Variants in DROSHA observed in about 807,000 individuals in gnomAD.
The protein encoded by DROSHA is drosha ribonuclease III.
In DROSHA, 56 loss-of-function variants were observed where a neutral mutation model predicts 181.9. The ratio of observed to expected loss-of-function variants is 0.31; its 90% confidence interval spans 0.25 to 0.38. DROSHA has a LOEUF of 0.38. Among genes scored for constraint, DROSHA ranks in the 10% least tolerant of loss-of-function variants. The pLI is 1.00. For synonymous variants in DROSHA, 524 were observed against 591.2 expected (o/e 0.89, Z 1.65); for missense variants, 1,218 against 1,743.5 (o/e 0.70, Z 5.37).
At chr5:31,417,161 C>A (rs1045690874) in intron 30 of DROSHA, among the ~76,000 whole-genome samples, 1 of 151,956 alleles carries the variant, frequency 6.6e-6, no homozygotes, top group Non-Finnish European at 1.5e-5. Context: ...TGAACAGAGA[C>A]CTGAAGGAGG....
chr5:31,406,784 G>T, intron 34 of DROSHA, 69 bp downstream of exon 34: 1 of 1,408,614 alleles, frequency 7.1e-7, no homozygotes, highest in East Asian at 2.3e-5. Context: ...TGAGTTTGGA[G>T]ATAGCAGCTA....
chr5:31,517,133 T>C (rs958890860), intron 6 of DROSHA, among the ~76,000 whole-genome samples: 16 of 152,346 alleles, frequency 1.1e-4, no homozygotes, highest in East Asian at 1.9e-4. Context: ...AATGAATATG[T>C]TTCATGCTTA....
chr5:31,518,358 G>A (rs1225387843), intron 6 of DROSHA, among the ~76,000 whole-genome samples: 10 of 152,104 alleles, frequency 6.6e-5, no homozygotes, highest in Admixed American at 4.6e-4. Context: ...CATCCACTAC[G>A]GGAAAAGGAC....
chr5:31,502,641 G>A (rs532303809), intron 11 of DROSHA, among the ~76,000 whole-genome samples: 47 of 152,312 alleles, frequency 3.1e-4, no homozygotes, highest in Non-Finnish European at 4.3e-4. Context: ...CAGATGGCCC[G>A]GATCCCCACA....
intron 23 of DROSHA, among the ~76,000 whole-genome samples, chr5:31,446,909 G>A (rs143106887): frequency 3.0e-4 from 46 of 152,166 alleles, no homozygotes; most frequent in African/African-American, 9.6e-4. Flanking sequence ...GCATGCTGGC[G>A]CACACCTGTA....
chr5:31,472,338 G>A, intron 16 of DROSHA, 106 bp from the exon 17 acceptor site: 1 of 1,289,040 alleles, frequency 7.8e-7, no homozygotes, highest in Non-Finnish European at 1.0e-6. Context: ...AGGAAAAAGA[G>A]CACATACAAA....
At chr5:31,491,668 T>C (rs1408705300) in intron 13 of DROSHA, among the ~76,000 whole-genome samples, 2 of 142,768 alleles carry the variant, frequency 1.4e-5, no homozygotes, top group African/African-American at 5.2e-5. Context: ...AGATTCGGTG[T>C]AACAAAGGGT....
At chr5:31,499,744 G>C (rs1224801770) in intron 11 of DROSHA, among the ~76,000 whole-genome samples, 1 of 152,164 alleles carries the variant, frequency 6.6e-6, no homozygotes, top group South Asian at 2.1e-4. Context: ...TCAGTGGCTG[G>C]GATGGGGTAA....
chr5:31,412,042 A>C, intron 30 of DROSHA, among the ~76,000 whole-genome samples: 1 of 152,252 alleles, frequency 6.6e-6, no homozygotes, highest in East Asian at 1.9e-4. Flanking sequence ...AGAGTCCTCC[A>C]AGAATTTCCA....
intron 9 of DROSHA, among the ~76,000 whole-genome samples, chr5:31,510,122 A>G (rs1738505587): frequency 1.3e-5 from 2 of 152,164 alleles, no homozygotes; most frequent in African/African-American, 4.8e-5. Context: ...ACAAAAAGAA[A>G]AATAATTAAT....
Position 31,515,551 on chromosome 5 carries a change from A to C in DROSHA, c.961T>G (p.Ser321Ala), listed in dbSNP as rs1249752148. The C allele has an allele frequency of 6.4e-7, 1 of 1,551,362 alleles. No homozygotes were observed. ...YKRSGRSYGL[S>A]VVPEPAGCTP... is the part of the protein sequence containing the mutation. ...CATCCAGCAGGTTCAGGAACAACCG[A>C]TAAACCGTAACTCCTAAAAGAAAAA... The change falls in exon 7 of 36, where the codon TCG becomes GCG. Residue 321 changes from serine (S) to alanine (A), a missense_variant. This residue lies in a region of DROSHA where 536 missense variants were observed against 535.4 expected (regional missense o/e 1.00). Coordinates refer to ENST00000344624, the MANE Select transcript of DROSHA (RefSeq NM_001382508.1).
chr5:31,474,362 CT>C (rs1486800195), intron 16 of DROSHA, among the ~76,000 whole-genome samples: 1 of 150,910 alleles, frequency 6.6e-6, no homozygotes, highest in Admixed American at 6.6e-5. Context: ...TATTAAAGTC[CT>C]TTTTTTTTCT....
chr5:31,495,090 T>A (rs1752822660), intron 12 of DROSHA, among the ~76,000 whole-genome samples, 196 bp downstream of exon 12: 1 of 152,002 alleles, frequency 6.6e-6, no homozygotes, highest in Non-Finnish European at 1.5e-5. Flanking sequence ...CAATATTTAA[T>A]GAAAAAAAGA....
rs1220872611 is a variant in DROSHA at position 31,424,352 on chromosome 5, G to GA, written c.3261+74dup. On this transcript the variant is annotated intron_variant, in intron 28 of 35. Coordinates refer to ENST00000344624, the MANE Select transcript of DROSHA (RefSeq NM_001382508.1). ...GAATCAAAAGATAAAAGTGGGGAAG[G>GA]AAAAAAAGGCAAAGGAAAGTAACAT... 3.9e-6 allele frequency: 6 copies of GA among 1,526,500 alleles called. No individual in the cohort carries two copies. In the African/African-American group the frequency reaches 6.9e-5, roughly 18 times the overall value. The allele number at this position is 1,526,500 out of a possible 1,614,324, so 94.6% of individuals were successfully genotyped here. A position where few individuals can be genotyped will look rare whatever the true frequency, so the allele number is the denominator to read the frequency against.
chr5:31,517,884 A>G (rs1236990237), intron 6 of DROSHA, among the ~76,000 whole-genome samples: 1 of 152,180 alleles, frequency 6.6e-6, no homozygotes, highest in Non-Finnish European at 1.5e-5. Context: ...TGGGCAACAT[A>G]GCGAGATCCC....
chr5:31,422,717 A>G (rs1466643203), intron 29 of DROSHA, 70 bp downstream of exon 29: 1 of 1,561,096 alleles, frequency 6.4e-7, no homozygotes, highest in Non-Finnish European at 8.7e-7. Context: ...TTCGAAGGGC[A>G]TGCTCCAAAG....
intron 11 of DROSHA, among the ~76,000 whole-genome samples, chr5:31,497,748 G>A (rs1027754772): frequency 1.3e-5 from 2 of 152,214 alleles, no homozygotes; most frequent in Non-Finnish European, 2.9e-5. Flanking sequence ...CCCAGCTGTC[G>A]TGTTGGTGGC....
At chr5:31,469,665 C>T (rs1403004462) in intron 17 of DROSHA, among the ~76,000 whole-genome samples, 3 of 151,798 alleles carry the variant, frequency 2.0e-5, no homozygotes, top group Non-Finnish European at 4.4e-5. Context: ...AAACACCATG[C>T]CATGGTACCA....
chr5:31,507,768 C>T (rs898171911), intron 10 of DROSHA, among the ~76,000 whole-genome samples: 1 of 152,170 alleles, frequency 6.6e-6, no homozygotes, highest in Non-Finnish European at 1.5e-5. Flanking sequence ...ACAATTGTAT[C>T]ATATGTAAAT....
Sources: gnomAD v4.1 joint callset for allele counts (sites outside exome capture counted in the v4.1 genomes callset) on GRCh38, gnomAD v4.1.1 for gene constraint, gnomAD v4.1.1 regional missense constraint, MANE v1.5 for transcripts, NCBI Gene and HGNC (gene_info 2026-07-23, HGNC 2026-07-21) for gene names.